The following FOXN3 variants were observed in gnomAD, a reference collection of about 807,000 sequenced individuals.
The protein encoded by FOXN3 is forkhead box protein N3.
Under a neutral mutation model 38.4 loss-of-function variants are expected in FOXN3, and 7 were observed. The ratio of observed to expected loss-of-function variants is 0.18; its 90% CI spans 0.10 to 0.34. FOXN3 has a LOEUF of 0.34. FOXN3 is among the 10% of genes least tolerant of loss of function. The pLI is 1.00. For missense variants in FOXN3, 456 were observed against 613.4 expected, an observed-to-expected ratio of 0.74 and a Z score of 2.71; for synonymous variants, 230 against 242.2, an observed-to-expected ratio of 0.95 and a Z score of 0.47.
chr14:89,533,867 C>T (rs1428627538), intron 1 of FOXN3, among the ~76,000 whole-genome samples: 2 of 151,922 alleles, frequency 1.3e-5, no homozygotes, highest in African/African-American at 4.8e-5. Flanking sequence ...TGACCTATAA[C>T]CAAGAATGTG....
intron 1 of FOXN3, among the ~76,000 whole-genome samples, chr14:89,413,656 A>AGAAGGGAAGGGAAGGGAAGG (rs59949057): frequency 2.3e-5 from 3 of 130,076 alleles, no homozygotes; most frequent in Non-Finnish European, 4.8e-5. Context: ...AAGGTAAGGA[A>AGAAGGGAAGGGAAGGGAAGG]GAAGGGAAGG....
At chr14:89,447,960 C>T (rs567566707) in intron 1 of FOXN3, among the ~76,000 whole-genome samples, 3 of 151,582 alleles carry the variant, frequency 2.0e-5, no homozygotes, top group South Asian at 4.2e-4. Context: ...ATTAGAGGCA[C>T]CTGCCAACAC....
chr14:89,488,352 A>G (rs906400455), intron 1 of FOXN3, among the ~76,000 whole-genome samples: 1 of 151,800 alleles, frequency 6.6e-6, no homozygotes, highest in African/African-American at 2.4e-5. Flanking sequence ...GCTGATGTTT[A>G]ATTAATGTCT....
chr14:89,321,600 T>G (rs1399196674), intron 3 of FOXN3, among the ~76,000 whole-genome samples: 1 of 152,026 alleles, frequency 6.6e-6, no homozygotes, highest in African/African-American at 2.4e-5. Flanking sequence ...AAAATAAAAA[T>G]TAAGAAGTTG....
At chr14:89,531,847 G>A (rs757828536) in intron 1 of FOXN3, among the ~76,000 whole-genome samples, 9 of 152,002 alleles carry the variant, frequency 5.9e-5, no homozygotes, top group Non-Finnish European at 1.2e-4. Context: ...TCTCACCCTG[G>A]CACCCAGGCT....
chr14:89,179,082 GA>G (rs1369071398), intron 5 of FOXN3, among the ~76,000 whole-genome samples: 1 of 152,238 alleles, frequency 6.6e-6, no homozygotes, highest in African/African-American at 2.4e-5. Flanking sequence ...TTCATGGAAA[GA>G]GGCTTACCAC....
At chr14:89,316,146 G>C (rs1312900251) in intron 3 of FOXN3, among the ~76,000 whole-genome samples, 1 of 152,164 alleles carries the variant, frequency 6.6e-6, no homozygotes, top group African/African-American at 2.4e-5. Context: ...GTTGCGTATT[G>C]TGTATTGGGG....
Position 89,412,923 on chromosome 14 carries a change from G to A in FOXN3, c.-14-433C>T, listed in dbSNP as rs149787685. Among the ~76,000 whole-genome samples, 14 of 151,794 alleles carry A rather than the reference G, an allele frequency of 9.2e-5. No individual in the cohort carries two copies. Among genetic ancestry groups the A allele is most frequent in the African/African-American group, 3.4e-4 (14 of 41,444 alleles). On this transcript the variant is annotated intron_variant, in intron 1 of 5. Coordinates refer to ENST00000557258, the MANE Select transcript of FOXN3 (RefSeq NM_005197.4). The surrounding 1 kb of genome is among the most constrained non-coding windows in gnomAD (Gnocchi z 4.7). ...ACTTCAGGTACCACACAGAATACAT[G>A]GGAATGTAAGATAAGCCATTAACTG...
chr14:89,307,857 T>C (rs1165780032), intron 3 of FOXN3, among the ~76,000 whole-genome samples: 1 of 152,222 alleles, frequency 6.6e-6, no homozygotes, highest in Non-Finnish European at 1.5e-5. Context: ...TTTCAATGTG[T>C]GCCCGATATA....
intron 1 of FOXN3, among the ~76,000 whole-genome samples, chr14:89,432,484 T>C (rs1892179805): frequency 6.6e-6 from 1 of 152,156 alleles, no homozygotes; most frequent in South Asian, 2.1e-4. Flanking sequence ...GCCAAGAGCT[T>C]TACCTGCATT....
At chr14:89,236,467 A>C (rs901453438) in intron 4 of FOXN3, among the ~76,000 whole-genome samples, 1 of 152,144 alleles carries the variant, frequency 6.6e-6, no homozygotes, top group African/African-American at 2.4e-5. Context: ...GTGAGCCGAG[A>C]TCACGCCACT....
At chr14:89,456,508 CTT>C (rs1892730121) in intron 1 of FOXN3, among the ~76,000 whole-genome samples, 2 of 152,204 alleles carry the variant, frequency 1.3e-5, no homozygotes, top group Non-Finnish European at 2.9e-5. Context: ...AATCCCAACA[CTT>C]TGGGAGGCCA....
chr14:89,289,570 A>G (rs1312921693), intron 3 of FOXN3, among the ~76,000 whole-genome samples: 1 of 152,244 alleles, frequency 6.6e-6, no homozygotes, highest in Non-Finnish European at 1.5e-5. Context: ...ATGACACGGT[A>G]GAAATACATA....
In FOXN3 at chr14:89,162,654, G is replaced by A. The variant is rs1050340410; in HGVS notation, c.1167C>T (p.Asp389=). ...TCTTGTGCTGGGATGCGTACCCGCT[G>A]TCCCCCAGAGAATCCTTGGGCTCCT... is the stretch of plus-strand genomic sequence containing the variant. The part of the protein sequence containing the change: ...SQKEPKDSLG[D]SGYASQHKKR... Residue 389 remains aspartate, a synonymous_variant, in exon 6 of 6, where the codon GAC becomes GAT. Coordinates refer to ENST00000557258, the MANE Select transcript of FOXN3 (RefSeq NM_005197.4). The surrounding 1 kb of genome is among the most constrained non-coding windows in gnomAD (Gnocchi z 7.2). The A allele has an allele frequency of 6.8e-6, 11 of 1,613,890 alleles. No homozygotes were observed. The highest frequency in any genetic ancestry group is 8.5e-6 in the Non-Finnish European group (10 of 1,179,978).
chr14:89,604,339 C>T (rs1896226158), intron 1 of FOXN3, among the ~76,000 whole-genome samples: 1 of 151,818 alleles, frequency 6.6e-6, no homozygotes, highest in African/African-American at 2.4e-5. Flanking sequence ...GAGAGGAGAA[C>T]CCGGCCAACA....
At chr14:89,605,895 C>T (rs1300009693) in intron 1 of FOXN3, among the ~76,000 whole-genome samples, 3 of 151,928 alleles carry the variant, frequency 2.0e-5, no homozygotes, top group Non-Finnish European at 4.4e-5. Context: ...CAGGAGGATT[C>T]CTTGAGCCCA....
At chr14:89,386,995 G>C (rs887661917) in intron 2 of FOXN3, among the ~76,000 whole-genome samples, 2 of 152,166 alleles carry the variant, frequency 1.3e-5, no homozygotes, top group South Asian at 4.1e-4. Flanking sequence ...GGTGGCTCAC[G>C]CCTGTAATCC....
chr14:89,443,199 T>C (rs1478821356), intron 1 of FOXN3, among the ~76,000 whole-genome samples: 1 of 152,068 alleles, frequency 6.6e-6, no homozygotes, highest in African/African-American at 2.4e-5. Flanking sequence ...AATTAGCTAA[T>C]ACCACAGAAT....
intron 4 of FOXN3, among the ~76,000 whole-genome samples, chr14:89,277,958 A>G (rs1886347300): frequency 6.6e-6 from 1 of 151,600 alleles, no homozygotes; most frequent in East Asian, 1.9e-4. Context: ...ACCTAAATCT[A>G]TCTGCTTTTT....
Sources: allele counts gnomAD v4.1 joint callset (sites outside exome capture counted in the v4.1 genomes callset), GRCh38; gene constraint gnomAD v4.1.1; non-coding constraint Gnocchi (gnomAD v3.1); transcripts MANE v1.5; gene names NCBI Gene and HGNC (gene_info 2026-07-23, HGNC 2026-07-21).